The following COG5 variants were observed in gnomAD, a reference collection of about 807,000 sequenced individuals.
COG5 encodes the protein component of oligomeric golgi complex 5.
Under a neutral mutation model 110.4 loss-of-function variants are expected in COG5, and 86 were observed. The ratio of observed to expected loss-of-function variants is 0.78; its 90% confidence interval spans 0.65 to 0.93. COG5 has a LOEUF of 0.93. Ranked by LOEUF, COG5 falls within the 40% of genes least tolerant of loss-of-function variation. COG5 has a pLI of 0.00. For missense variants in COG5, 1,077 were observed against 987.0 expected, an observed-to-expected ratio of 1.09 and a Z score of -1.22; for synonymous variants, 360 against 334.6, an observed-to-expected ratio of 1.08 and a Z score of -0.83.
intron 5 of COG5, among the ~76,000 whole-genome samples, chr7:107,541,523 A>AAAATATATATAT (rs60423657): frequency 7.2e-4 from 41 of 57,006 alleles, no homozygotes; most frequent in African/African-American, 2.1e-3. Context: ...AAAAAAAAAA[A>AAAATATATATAT]ATATATATAT....
rs17153981 is a variant in COG5, at chr7:107,281,661, A to G, written c.1476-262T>C. 0.19 allele frequency among the ~76,000 whole-genome samples: 29,065 copies of G among 152,060 alleles called. 3,309 individuals carry two copies. Among genetic ancestry groups the G allele is most frequent in the East Asian group, 0.31 (1,606 of 5,166 alleles). On this transcript the variant is annotated intron_variant, in intron 13 of 21. Coordinates refer to ENST00000297135, the MANE Select transcript of COG5 (RefSeq NM_006348.5). ...GGGTTCAGTCTGTGATTAAAGGAGT[A>G]AATTGTGTACAGATTTTTAAAGTAG...
At chr7:107,523,883 A>C (rs555314897) in intron 6 of COG5, among the ~76,000 whole-genome samples, 2 of 152,302 alleles carry the variant, frequency 1.3e-5, no homozygotes, top group South Asian at 4.1e-4. Context: ...GCAATTTTTT[A>C]AAAAGTTAAA....
Position 107,474,964 on chromosome 7 carries a change from C to G in COG5, c.538+52273G>C. ...CCTCCGGCGAGCTGTGAAACGACAC[C>G]GTGAACGACGAGAAAGACAAAAGAG... On this transcript the variant is annotated intron_variant, in intron 6 of 21. Coordinates refer to ENST00000297135, the MANE Select transcript of COG5 (RefSeq NM_006348.5). This position sits in a 1 kb window ranked among gnomAD's most constrained non-coding sequence, Gnocchi z 5.7. The G allele has an allele frequency of 6.2e-7, 1 of 1,612,152 alleles. No homozygotes were observed. Among genetic ancestry groups the G allele is most frequent in the Non-Finnish European group, 8.5e-7 (1 of 1,179,130 alleles).
At chr7:107,463,438 GA>G (rs1229665213) in intron 6 of COG5, among the ~76,000 whole-genome samples, 7 of 152,198 alleles carry the variant, frequency 4.6e-5, no homozygotes, top group African/African-American at 1.7e-4. Flanking sequence ...ATCACCCAGG[GA>G]GGGGAAAGGG....
chr7:107,371,212 A>C (rs543755340), intron 8 of COG5, among the ~76,000 whole-genome samples: 1 of 152,294 alleles, frequency 6.6e-6, no homozygotes, highest in Admixed American at 6.5e-5. Flanking sequence ...TTAAGACCTA[A>C]GATTCTTTCA....
At chr7:107,228,710 C>G (rs1163495463) in intron 19 of COG5, among the ~76,000 whole-genome samples, 1 of 151,702 alleles carries the variant, frequency 6.6e-6, no homozygotes. Context: ...TAAAACTCAT[C>G]TCTGTACAGA....
chr7:107,226,885 A>G (rs1800378117), intron 19 of COG5, among the ~76,000 whole-genome samples: 1 of 152,260 alleles, frequency 6.6e-6, no homozygotes, highest in South Asian at 2.1e-4. Flanking sequence ...AATGGTATAT[A>G]GAAAAATACC....
At chr7:107,417,073 A>C (rs897013487) in intron 6 of COG5, among the ~76,000 whole-genome samples, 7 of 152,160 alleles carry the variant, frequency 4.6e-5, no homozygotes, top group Non-Finnish European at 1.0e-4. Flanking sequence ...CTGGATATTT[A>C]TGTGAGAAAG....
chr7:107,411,523 G>A (rs1792295855), intron 7 of COG5, among the ~76,000 whole-genome samples: 1 of 152,108 alleles, frequency 6.6e-6, no homozygotes, highest in Non-Finnish European at 1.5e-5. Flanking sequence ...AACTCTAGGA[G>A]TACTGATAAT....
At chr7:107,251,944 AAC>A (rs1168340625) in intron 16 of COG5, among the ~76,000 whole-genome samples, 1 of 152,176 alleles carries the variant, frequency 6.6e-6, no homozygotes, top group Non-Finnish European at 1.5e-5. Context: ...TGAAAAAATT[AAC>A]ACAGTTGCTA....
At chr7:107,323,445 T>G (rs1183647155) in intron 11 of COG5, among the ~76,000 whole-genome samples, 1 of 152,048 alleles carries the variant, frequency 6.6e-6, no homozygotes, top group Non-Finnish European at 1.5e-5. Flanking sequence ...GCAGGAGAAT[T>G]GCTTGAACCC....
At position 107,427,420 on chromosome 7, in the gene COG5, T is replaced by G. The variant is rs890144963; in HGVS notation, c.539-14788A>C. ...TGCACACACAAATTATTTCACAACT[T>G]GAGAATTAAATACATTTTAGGACAA... On this transcript the variant is annotated intron_variant, in intron 6 of 21. Transcript: ENST00000297135. Among the ~76,000 whole-genome samples, 7 of 152,328 alleles carry G rather than the reference T, an allele frequency of 4.6e-5. 1 individual carries two copies. The highest frequency in any genetic ancestry group is 4.6e-4 in the Admixed American group (7 of 15,310).
chr7:107,361,203 A>G (rs961357643), intron 10 of COG5, among the ~76,000 whole-genome samples: 3 of 152,220 alleles, frequency 2.0e-5, no homozygotes, highest in African/African-American at 7.2e-5. Context: ...AAACACATCA[A>G]TATAATGAAT....
chr7:107,430,423 T>G (rs1274341313), intron 6 of COG5, among the ~76,000 whole-genome samples: 1 of 152,234 alleles, frequency 6.6e-6, no homozygotes, highest in African/African-American at 2.4e-5. Context: ...TTCTGGACTC[T>G]CAATTCTATT....
At chr7:107,268,508 A>G (rs1242899681) in intron 14 of COG5, among the ~76,000 whole-genome samples, 2 of 152,242 alleles carry the variant, frequency 1.3e-5, no homozygotes, top group Admixed American at 6.5e-5. Context: ...ATAAATGGCT[A>G]TAAGTGTTTG....
intron 6 of COG5, among the ~76,000 whole-genome samples, chr7:107,526,271 T>C (rs1366026376): frequency 6.6e-6 from 1 of 151,954 alleles, no homozygotes; most frequent in East Asian, 1.9e-4. Context: ...TTCAGAAAAA[T>C]AAGTGGGTAC....
chr7:107,389,875 A>G (rs747425649), intron 7 of COG5, among the ~76,000 whole-genome samples: 3 of 152,116 alleles, frequency 2.0e-5, no homozygotes, highest in Non-Finnish European at 4.4e-5. Flanking sequence ...TCATAATTCC[A>G]GTAATGACTA....
chr7:107,429,980 G>T (rs1793905934), intron 6 of COG5, among the ~76,000 whole-genome samples: 1 of 151,986 alleles, frequency 6.6e-6, no homozygotes, highest in South Asian at 2.1e-4. Flanking sequence ...GAGTTGTAAG[G>T]GTCCTTTATA....
At chr7:107,205,051 C>T (rs1798659431) in intron 21 of COG5, among the ~76,000 whole-genome samples, 1 of 152,212 alleles carries the variant, frequency 6.6e-6, no homozygotes, top group South Asian at 2.1e-4. Context: ...TCACTTTGAA[C>T]CCTTGCTATC....
Sources: gnomAD v4.1 joint callset for allele counts (sites outside exome capture counted in the v4.1 genomes callset) on GRCh38, gnomAD v4.1.1 for gene constraint, Gnocchi (gnomAD v3.1) non-coding constraint, MANE v1.5 for transcripts, NCBI Gene and HGNC (gene_info 2026-07-23, HGNC 2026-07-21) for gene names.